UNC5D: variants seen among roughly 807,000 people sequenced by gnomAD.
The protein encoded by UNC5D is unc-5 netrin receptor D, also known as netrin receptor UNC5D.
In UNC5D, 39 loss-of-function variants were observed where a neutral mutation model predicts 105.4. The observed-to-expected ratio is 0.37, with a 90% CI of 0.29 to 0.48. UNC5D has a LOEUF of 0.48. Ranked by LOEUF, UNC5D falls within the 20% of genes least tolerant of loss-of-function variation. The pLI is 0.98. For missense variants in UNC5D, 991 were observed against 1,202.4 expected (o/e 0.82, Z 2.60); for synonymous variants, 452 against 450.4 (o/e 1.00, Z -0.04).
chr8:35,627,913 C>G (rs1050942944), intron 4 of UNC5D, among the ~76,000 whole-genome samples: 3 of 152,118 alleles, frequency 2.0e-5, no homozygotes, highest in African/African-American at 7.2e-5. Context: ...GGTGACAGAG[C>G]GAGACTGTCT....
intron 4 of UNC5D, among the ~76,000 whole-genome samples, chr8:35,657,367 C>T (rs1380120001): frequency 6.6e-6 from 1 of 151,286 alleles, no homozygotes; most frequent in Admixed American, 6.6e-5. Flanking sequence ...AGTTCTTGGG[C>T]ATTACCAGTA....
chr8:35,473,160 T>C (rs537647591), intron 1 of UNC5D, among the ~76,000 whole-genome samples: 1 of 152,260 alleles, frequency 6.6e-6, no homozygotes, highest in African/African-American at 2.4e-5. Context: ...CCAACCTCAG[T>C]TGACAATGCA....
chr8:35,449,783 A>G (rs1162184764), intron 1 of UNC5D, among the ~76,000 whole-genome samples: 1 of 152,040 alleles, frequency 6.6e-6, no homozygotes, highest in African/African-American at 2.4e-5. Context: ...GTAGTTGTGT[A>G]ATATATTTTA....
chr8:35,245,376 G>T (rs1451330870), intron 1 of UNC5D, among the ~76,000 whole-genome samples: 1 of 152,206 alleles, frequency 6.6e-6, no homozygotes, highest in East Asian at 1.9e-4. Flanking sequence ...ACTGGGAAAA[G>T]AAAGAATCTA....
chr8:35,386,643 A>G (rs1043151900), intron 1 of UNC5D, among the ~76,000 whole-genome samples: 4 of 152,186 alleles, frequency 2.6e-5, no homozygotes, highest in Admixed American at 2.6e-4. Context: ...GGGTTCCCCC[A>G]CTTATGTTGT....
At chr8:35,284,798 G>A (rs961577862) in intron 1 of UNC5D, among the ~76,000 whole-genome samples, 12 of 152,002 alleles carry the variant, frequency 7.9e-5, no homozygotes, top group Admixed American at 2.0e-4. Flanking sequence ...TCCTGACCTC[G>A]TGACCCGCCT....
intron 1 of UNC5D, among the ~76,000 whole-genome samples, chr8:35,453,556 T>G (rs560985753): frequency 6.6e-6 from 1 of 152,164 alleles, no homozygotes; most frequent in South Asian, 2.1e-4. Context: ...AATAGAATAA[T>G]TTTGTTTCCT....
intron 14 of UNC5D, among the ~76,000 whole-genome samples, chr8:35,763,481 C>G (rs934775474): frequency 1.4e-5 from 2 of 148,092 alleles, no homozygotes; most frequent in African/African-American, 5.1e-5. Context: ...CAAGCATTAC[C>G]AAAGATTCAA....
chr8:35,299,849 T>A (rs151114617), intron 1 of UNC5D, among the ~76,000 whole-genome samples: 3 of 151,738 alleles, frequency 2.0e-5, no homozygotes, highest in African/African-American at 7.2e-5. Context: ...TAAAATAGAG[T>A]GAGGAAAGTT....
At chr8:35,239,348 T>C (rs910665956) in intron 1 of UNC5D, among the ~76,000 whole-genome samples, 2 of 152,182 alleles carry the variant, frequency 1.3e-5, no homozygotes, top group African/African-American at 2.4e-5. Context: ...AGGAAATCAC[T>C]TTTCTGTTTA....
At chr8:35,401,773 A>G (rs1377345903) in intron 1 of UNC5D, among the ~76,000 whole-genome samples, 4 of 152,150 alleles carry the variant, frequency 2.6e-5, no homozygotes, top group African/African-American at 9.7e-5. Context: ...AAACATCTCT[A>G]ATGTGTACGG....
chr8:35,241,206 T>C (rs958930998), intron 1 of UNC5D, among the ~76,000 whole-genome samples: 4 of 152,256 alleles, frequency 2.6e-5, no homozygotes, highest in African/African-American at 9.6e-5. Flanking sequence ...CTATTTTGCA[T>C]TTCCACTTTG....
At chr8:35,544,980 A>G (rs1245088201) in intron 1 of UNC5D, among the ~76,000 whole-genome samples, 1 of 152,174 alleles carries the variant, frequency 6.6e-6, no homozygotes, top group Non-Finnish European at 1.5e-5. Flanking sequence ...AACCAGTGTC[A>G]CCTGACCATG....
At chr8:35,350,328 T>A (rs532823095) in intron 1 of UNC5D, among the ~76,000 whole-genome samples, 2 of 152,062 alleles carry the variant, frequency 1.3e-5, no homozygotes, top group South Asian at 4.1e-4. Flanking sequence ...CTGAAAAAAA[T>A]AAGTGCAGGC....
chr8:35,605,700 G>A (rs1370106698), intron 4 of UNC5D, among the ~76,000 whole-genome samples: 1 of 152,104 alleles, frequency 6.6e-6, no homozygotes, highest in African/African-American at 2.4e-5. Flanking sequence ...ACCCATATAT[G>A]CAAATATAAA....
intron 8 of UNC5D, among the ~76,000 whole-genome samples, chr8:35,711,419 A>G (rs375889746): frequency 5.9e-5 from 9 of 151,938 alleles, no homozygotes; most frequent in Middle Eastern, 3.4e-3. Context: ...ACCTCAGGTG[A>G]TCCGCCTGCC....
intron 1 of UNC5D, among the ~76,000 whole-genome samples, chr8:35,444,928 G>C (rs1807673016): frequency 6.6e-6 from 1 of 152,002 alleles, no homozygotes; most frequent in Non-Finnish European, 1.5e-5. Context: ...AATTGTAATT[G>C]TTAACAAAAC....
At chr8:35,773,817 G>C (rs996268882) in intron 15 of UNC5D, among the ~76,000 whole-genome samples, 1 of 152,270 alleles carries the variant, frequency 6.6e-6, no homozygotes, top group Admixed American at 6.5e-5. Flanking sequence ...CCACCTCCCA[G>C]GTTCAAGTGA....
At chr8:35,380,894 C>T (rs1466201804) in intron 1 of UNC5D, among the ~76,000 whole-genome samples, 1 of 152,136 alleles carries the variant, frequency 6.6e-6, no homozygotes, top group Non-Finnish European at 1.5e-5. Flanking sequence ...TTTGACGTCA[C>T]ACCTGCCAGG....
Sources: gnomAD v4.1 joint callset for allele counts (sites outside exome capture counted in the v4.1 genomes callset) on GRCh38, gnomAD v4.1.1 for gene constraint, MANE v1.5 for transcripts, NCBI Gene and HGNC (gene_info 2026-07-23, HGNC 2026-07-21) for gene names.